The following CTNNA3 variants were observed in gnomAD, a reference collection of about 807,000 sequenced individuals.
The protein encoded by CTNNA3 is catenin alpha-3.
A neutral mutation model predicts 95.7 loss-of-function variants in CTNNA3; 76 were observed. The ratio of observed to expected loss-of-function variants is 0.79; its 90% CI spans 0.66 to 0.96. The LOEUF (loss-of-function observed/expected upper bound fraction) is 0.96. CTNNA3 is among the 40% of genes least tolerant of loss of function. CTNNA3 has a pLI of 0.00. For missense variants in CTNNA3, 1,191 were observed against 1,089.8 expected, an observed-to-expected ratio of 1.09 and a Z score of -1.31; for synonymous variants, 431 against 374.4, an observed-to-expected ratio of 1.15 and a Z score of -1.74.
intron 7 of CTNNA3, among the ~76,000 whole-genome samples, chr10:66,872,671 A>AAATAAT (rs35006931): frequency 0.1 from 14,878 of 145,470 alleles, 916 homozygotes; most frequent in East Asian, 0.32. Context: ...CCCGTCTCAA[A>AAATAAT]AATAATAATA....
chr10:66,652,687 A>AAAAT (rs1845952223), intron 9 of CTNNA3, among the ~76,000 whole-genome samples: 1 of 152,184 alleles, frequency 6.6e-6, no homozygotes, highest in South Asian at 2.1e-4. Flanking sequence ...ACACTACAAA[A>AAAAT]AAATAAAATT....
At chr10:67,710,763 G>A (rs1308883682) in intron 1 of CTNNA3, among the ~76,000 whole-genome samples, 1 of 152,152 alleles carries the variant, frequency 6.6e-6, no homozygotes, top group African/African-American at 2.4e-5. Context: ...GCTATTCTAT[G>A]GAAAATTAGG....
intron 7 of CTNNA3, among the ~76,000 whole-genome samples, chr10:67,056,473 T>C (rs1479281205): frequency 6.6e-6 from 1 of 152,198 alleles, no homozygotes; most frequent in Non-Finnish European, 1.5e-5. Flanking sequence ...TCTCAAATTG[T>C]ATAAGCTTCA....
At chr10:66,909,330 A>G (rs1564759154) in intron 7 of CTNNA3, among the ~76,000 whole-genome samples, 1 of 151,994 alleles carries the variant, frequency 6.6e-6, no homozygotes. Flanking sequence ...GCCAACACAG[A>G]GAAACCCCAT....
chr10:67,465,028 T>C (rs1847533290), intron 5 of CTNNA3, among the ~76,000 whole-genome samples: 1 of 151,910 alleles, frequency 6.6e-6, no homozygotes, highest in African/African-American at 2.4e-5. Context: ...CTCATAACCA[T>C]AGATGGGTAA....
chr10:67,739,879 G>C (rs921199221), intron 1 of CTNNA3, among the ~76,000 whole-genome samples: 2 of 152,154 alleles, frequency 1.3e-5, no homozygotes, highest in Non-Finnish European at 2.9e-5. Flanking sequence ...AACAAAGCTG[G>C]AGGCATCGTG....
At chr10:66,347,033 T>C (rs986769743) in intron 12 of CTNNA3, among the ~76,000 whole-genome samples, 6 of 152,050 alleles carry the variant, frequency 3.9e-5, no homozygotes, top group Admixed American at 6.6e-5. Flanking sequence ...ATTTACATCC[T>C]GAAAAAAATT....
chr10:67,188,323 C>T (rs1862959010), intron 6 of CTNNA3, among the ~76,000 whole-genome samples: 2 of 151,994 alleles, frequency 1.3e-5, no homozygotes, highest in Admixed American at 6.6e-5. Flanking sequence ...TAGTGAAACC[C>T]GTTTCTACAA....
intron 13 of CTNNA3, among the ~76,000 whole-genome samples, chr10:66,278,589 T>A (rs1019212532): frequency 6.6e-6 from 1 of 152,032 alleles, no homozygotes. Flanking sequence ...GCAAGATAAT[T>A]TGATTTGCTA....
chr10:66,968,700 C>T (rs1046927468), intron 7 of CTNNA3, among the ~76,000 whole-genome samples: 2 of 152,014 alleles, frequency 1.3e-5, no homozygotes, highest in Non-Finnish European at 2.9e-5. Context: ...CTTAAAGTTA[C>T]ATTTTTAATA....
chr10:67,206,723 T>TGATTCTAGAATCTA (rs1423522684), intron 6 of CTNNA3, among the ~76,000 whole-genome samples: 2 of 149,518 alleles, frequency 1.3e-5, no homozygotes, highest in African/African-American at 2.5e-5. Flanking sequence ...AGCCTGCACC[T>TGATTCTAGAATCTA]GATTCTAGAA....
chr10:67,670,088 C>G (rs1296424293), intron 1 of CTNNA3, among the ~76,000 whole-genome samples: 1 of 152,124 alleles, frequency 6.6e-6, no homozygotes, highest in Non-Finnish European at 1.5e-5. Flanking sequence ...ACAAATGACA[C>G]TAAGAAAAAA....
intron 10 of CTNNA3, among the ~76,000 whole-genome samples, chr10:66,579,983 G>T (rs1341903717): frequency 6.6e-6 from 1 of 151,554 alleles, no homozygotes; most frequent in Non-Finnish European, 1.5e-5. Context: ...TTTGGGGTTT[G>T]CATTATAGTC....
chr10:66,190,389 G>A (rs1343442943), intron 13 of CTNNA3, among the ~76,000 whole-genome samples: 1 of 152,136 alleles, frequency 6.6e-6, no homozygotes, highest in African/African-American at 2.4e-5. Flanking sequence ...ACGAAAGTGT[G>A]TGTCTGTTGG....
At chr10:67,566,549 AGG>A (rs1351008690) in intron 3 of CTNNA3, among the ~76,000 whole-genome samples, 1 of 152,158 alleles carries the variant, frequency 6.6e-6, no homozygotes, top group Non-Finnish European at 1.5e-5. Flanking sequence ...GTGGAGAAAT[AGG>A]AACAATTTTA....
chr10:66,435,718 T>C (rs2093332229), intron 11 of CTNNA3, among the ~76,000 whole-genome samples: 1 of 152,180 alleles, frequency 6.6e-6, no homozygotes, highest in African/African-American at 2.4e-5. Flanking sequence ...TGTCTCCTGT[T>C]AGCTTTTGAA....
rs150995527 is a variant in CTNNA3, at chr10:67,741,992, C to G, written c.-2+21442G>C. On this transcript the variant is annotated intron_variant, in intron 1 of 17. Transcript: ENST00000684154. ...ATTGGGTGCACCCAATACAGGAGCA[C>G]CCAGATTCATAAAGCAAGTCCTTAG... Among the ~76,000 whole-genome samples, 294 of 151,220 alleles carry G rather than the reference C, an allele frequency of 1.9e-3. 8 individuals are homozygous for G. The highest frequency in any genetic ancestry group is 6.9e-3 in the African/African-American group (286 of 41,382).
At chr10:66,127,887 C>T (rs777911058) in intron 13 of CTNNA3, among the ~76,000 whole-genome samples, 1 of 151,966 alleles carries the variant, frequency 6.6e-6, no homozygotes, top group East Asian at 1.9e-4. Flanking sequence ...CCAGCCTGGC[C>T]AACATGGTGA....
intron 5 of CTNNA3, among the ~76,000 whole-genome samples, chr10:67,361,611 T>C (rs1394483479): frequency 6.6e-6 from 1 of 152,162 alleles, no homozygotes; most frequent in African/African-American, 2.4e-5. Context: ...ATCTGTGGGA[T>C]GCAGCAAAAG....
Sources: allele counts gnomAD v4.1 joint callset (sites outside exome capture counted in the v4.1 genomes callset), GRCh38; gene constraint gnomAD v4.1.1; transcripts MANE v1.5; gene names NCBI Gene and HGNC (gene_info 2026-07-23, HGNC 2026-07-21).